The following DDX1 variants were observed in gnomAD, a reference collection of about 807,000 sequenced individuals.
The protein encoded by DDX1 is ATP-dependent RNA helicase DDX1.
A neutral mutation model predicts 108.7 loss-of-function variants in DDX1; 28 were observed. The ratio of observed to expected loss-of-function variants is 0.26; its 90% CI spans 0.19 to 0.35. The LOEUF is 0.35. Among genes scored for constraint, DDX1 ranks in the 10% least tolerant of loss-of-function variants. DDX1 has a pLI of 1.00. For missense variants in DDX1, 710 were observed against 884.5 expected (o/e 0.80, Z 2.50); for synonymous variants, 295 against 288.9 (o/e 1.02, Z -0.21).
intron 9 of DDX1, among the ~76,000 whole-genome samples, 193 bp from the exon 10 acceptor site, chr2:15,604,244 G>C (rs767900391): frequency 2.0e-4 from 31 of 152,150 alleles, no homozygotes; most frequent in Non-Finnish European, 3.8e-4. Flanking sequence ...ATCTACAGTA[G>C]TGTGAATGAG....
At chr2:15,629,763 A>G in intron 24 of DDX1, 66 bp downstream of exon 24, 1 of 1,277,806 alleles carries the variant, frequency 7.8e-7, no homozygotes, top group South Asian at 1.5e-5. Flanking sequence ...ATTTATCTTC[A>G]AAAATTATAT....
intron 16 of DDX1, among the ~76,000 whole-genome samples, chr2:15,618,846 G>A (rs1046933376): frequency 2.0e-5 from 3 of 152,382 alleles, no homozygotes; most frequent in Non-Finnish European, 2.9e-5. Flanking sequence ...GTGGGTTGGT[G>A]TATCAATGCT....
rs1665477939 is a variant in DDX1 at position 15,595,128 on chromosome 2, T to G, written c.17-17T>G. On this transcript the variant is annotated splice_polypyrimidine_tract_variant and intron_variant, in intron 1 of 25. Coordinates refer to ENST00000233084, the MANE Select transcript of DDX1 (RefSeq NM_004939.3). ...ATTTCAGTTTATGTGGTTTTTAAAA[T>G]TAATTTTTACTTTCAGAGATGGGTG... 6.3e-7 allele frequency: 1 copy of G among 1,597,064 alleles called. No individual in the cohort carries two copies.
At position 15,621,214 on chromosome 2, in the gene DDX1, A is replaced by G. The variant is rs181070678; in HGVS notation, c.1447+98A>G. The stretch of plus-strand genomic sequence containing the variant: ...ATGTGAGGTGACCTGCAAAATTAAA[A>G]CAGGAAATTTGGAAATAAAGGCAAC... On this transcript the variant is annotated intron_variant, in intron 18 of 25. Transcript: ENST00000233084. 9.7e-6 allele frequency: 8 copies of G among 822,564 alleles called. No individual in the cohort carries two copies. The Admixed American group carries it at 1.6e-4, about 17-fold the overall frequency. 51.0% of individuals were successfully genotyped at this position (822,564 alleles called of 1,614,324 possible). A position where few individuals can be genotyped will look rare whatever the true frequency, so the allele number is the denominator to read the frequency against.
At chr2:15,614,336 G>C (rs888436118) in intron 14 of DDX1, among the ~76,000 whole-genome samples, 22 of 152,162 alleles carry the variant, frequency 1.4e-4, no homozygotes, top group African/African-American at 5.3e-4. Flanking sequence ...ACTAAATTTT[G>C]TGCCACACAG....
intron 16 of DDX1, 134 bp from the exon 17 acceptor site, chr2:15,620,074 C>T (rs1187077858): frequency 6.7e-6 from 5 of 748,338 alleles, no homozygotes; most frequent in Admixed American, 2.8e-5. Flanking sequence ...CTCTAGTTGT[C>T]GCTACATAGA....
intron 3 of DDX1, among the ~76,000 whole-genome samples, chr2:15,596,168 TG>T (rs1665494692): frequency 6.6e-6 from 1 of 152,156 alleles, no homozygotes; most frequent in South Asian, 2.1e-4. Flanking sequence ...GTTATAAGTG[TG>T]GGCCAGATTT....
intron 9 of DDX1, 100 bp from the exon 10 acceptor site, chr2:15,604,337 A>T: frequency 1.3e-6 from 1 of 785,842 alleles, no homozygotes; most frequent in South Asian, 1.6e-5. Context: ...TTTTTGATTT[A>T]AATAATTATT....
At chr2:15,625,085 G>A (rs964509214) in intron 19 of DDX1, among the ~76,000 whole-genome samples, 4 of 152,168 alleles carry the variant, frequency 2.6e-5, no homozygotes, top group Non-Finnish European at 4.4e-5. Flanking sequence ...GATAAATAAA[G>A]TGTGAAATAC....
rs1573047912 is a variant in DDX1, at chr2:15,618,331, G to A, written c.1206+61G>A. On this transcript the variant is annotated intron_variant, in intron 16 of 25. Coordinates refer to ENST00000233084, the MANE Select transcript of DDX1 (RefSeq NM_004939.3). ...AAACAATTGTTATGTATAATGTTAC[G>A]GGATCCCAGGGGGTGTTGCTTTTCT... 10 of 838,994 alleles carry A rather than the reference G, an allele frequency of 1.2e-5. No homozygotes were observed. In the East Asian group the frequency reaches 1.5e-4, roughly 13 times the overall value. 52.0% of individuals were successfully genotyped at this position (838,994 alleles called of 1,614,324 possible).
chr2:15,603,982 C>A, intron 9 of DDX1, 92 bp downstream of exon 9: 2 of 795,788 alleles, frequency 2.5e-6, no homozygotes, highest in Non-Finnish European at 4.0e-6. Context: ...ACAAATGATT[C>A]TCAAAATGAG....
At chr2:15,598,114 T>G (rs1184703792) in intron 5 of DDX1, among the ~76,000 whole-genome samples, 1 of 152,130 alleles carries the variant, frequency 6.6e-6, no homozygotes, top group Non-Finnish European at 1.5e-5. Context: ...TTTGTTATAT[T>G]TTAATAATAT....
chr2:15,628,961 T>G, intron 23 of DDX1, 122 bp downstream of exon 23: 1 of 866,754 alleles, frequency 1.2e-6, no homozygotes, highest in Admixed American at 2.3e-5. Flanking sequence ...ACAAATGAAC[T>G]TTTTAATGTC....
chr2:15,598,135 T>G (rs1293608824), intron 5 of DDX1, among the ~76,000 whole-genome samples: 2 of 152,202 alleles, frequency 1.3e-5, no homozygotes, highest in African/African-American at 4.8e-5. Context: ...TTTTTCCACA[T>G]TTTAAGTCAC....
Position 15,631,003 on chromosome 2 carries a change from A to G in DDX1, c.*97A>G. On this transcript the variant is annotated 3_prime_UTR_variant, in exon 26 of 26. Coordinates refer to ENST00000233084, the MANE Select transcript of DDX1 (RefSeq NM_004939.3). ...CTTCCAAGCAGCAGTATTTATAGTA[A>G]CGTAAGCTATTAATGCTAACTCTTG... The G allele has an allele frequency of 8.3e-7, 1 of 1,200,896 alleles. No homozygotes were observed. Among genetic ancestry groups the G allele is most frequent in the African/African-American group, 1.5e-5 (1 of 66,070 alleles). The allele number at this position is 1,200,896 out of a possible 1,614,324, so 74.4% of individuals were successfully genotyped here. A position where few individuals can be genotyped will look rare whatever the true frequency, so the allele number is the denominator to read the frequency against.
intron 9 of DDX1, 21 bp downstream of exon 9, chr2:15,603,911 T>A (rs1161068032): frequency 8.7e-6 from 13 of 1,498,648 alleles, no homozygotes; most frequent in Non-Finnish European, 1.1e-5. Context: ...ATGTTATGAC[T>A]TCAACATAGC....
intron 12 of DDX1, 115 bp from the exon 13 acceptor site, chr2:15,607,060 T>G (rs1665673809): frequency 1.9e-6 from 2 of 1,030,772 alleles, no homozygotes; most frequent in Admixed American, 2.3e-5. Flanking sequence ...TCTTCTCTAC[T>G]TTTTGACAAT....
chr2:15,628,301 C>A, intron 20 of DDX1, 144 bp from the exon 21 acceptor site: 1 of 595,234 alleles, frequency 1.7e-6, no homozygotes, highest in Non-Finnish European at 3.0e-6. Context: ...AGACTTGGTC[C>A]AGTAAATTAG....
chr2:15,623,369 T>C, intron 18 of DDX1, 67 bp from the exon 19 acceptor site: 1 of 1,494,700 alleles, frequency 6.7e-7, no homozygotes, highest in Non-Finnish European at 9.3e-7. Context: ...GTGACTATAA[T>C]TATGTGTATT....
Sources: allele counts gnomAD v4.1 joint callset (sites outside exome capture counted in the v4.1 genomes callset), GRCh38; gene constraint gnomAD v4.1.1; transcripts MANE v1.5; gene names NCBI Gene and HGNC (gene_info 2026-07-23, HGNC 2026-07-21).